CPEB3: variants seen among roughly 807,000 people sequenced by gnomAD.
The protein encoded by CPEB3 is cytoplasmic polyadenylation element binding protein 3.
A neutral mutation model predicts 67.2 loss-of-function variants in CPEB3; 20 were observed. The observed-to-expected ratio is 0.30, with a 90% CI of 0.21 to 0.43. The LOEUF is 0.43. Among genes scored for constraint, CPEB3 ranks in the 20% least tolerant of loss-of-function variants. The pLI is 1.00. For missense variants in CPEB3, 746 were observed against 968.6 expected (o/e 0.77, Z 3.05); for synonymous variants, 376 against 393.1 (o/e 0.96, Z 0.51).
chr10:92,232,585 C>T (rs958031863), intron 2 of CPEB3, among the ~76,000 whole-genome samples: 2 of 151,596 alleles, frequency 1.3e-5, no homozygotes, highest in Middle Eastern at 3.4e-3. Flanking sequence ...AGTGAAACCC[C>T]GTCTCTACCA....
chr10:92,184,586 A>G (rs1159963006), intron 3 of CPEB3, among the ~76,000 whole-genome samples: 2 of 152,176 alleles, frequency 1.3e-5, no homozygotes, highest in East Asian at 3.8e-4. Flanking sequence ...GCCTGGAGAT[A>G]GAGCAAGACT....
At chr10:92,207,685 C>T (rs1849858611) in intron 2 of CPEB3, among the ~76,000 whole-genome samples, 1 of 152,174 alleles carries the variant, frequency 6.6e-6, no homozygotes, top group Non-Finnish European at 1.5e-5. Context: ...CTCTGGCCAA[C>T]ATGGTGAAAC....
At chr10:92,098,775 T>TC (rs947982264) in intron 7 of CPEB3, among the ~76,000 whole-genome samples, 2 of 144,896 alleles carry the variant, frequency 1.4e-5, no homozygotes, top group African/African-American at 5.2e-5. Context: ...TTTTTCTTTT[T>TC]TTTTTTTTTT....
chr10:92,144,385 C>T (rs1590233071), intron 5 of CPEB3, among the ~76,000 whole-genome samples: 1 of 152,206 alleles, frequency 6.6e-6, no homozygotes. Context: ...GATCTCCCAC[C>T]TCAGCCTCCC....
intron 8 of CPEB3, among the ~76,000 whole-genome samples, chr10:92,089,231 A>G (rs934312599): frequency 6.6e-6 from 1 of 152,208 alleles, no homozygotes. Flanking sequence ...AAGAAACCCA[A>G]TCCCTAGGAT....
Position 92,199,740 on chromosome 10 carries a change from T to C in CPEB3, c.1006-7104A>G, listed in dbSNP as rs77045747. ...AAAACTAGCTGCTTCTAAATTTCCA[T>C]CCTACTGCTCTTATTTTCTACTCAG... On this transcript the variant is annotated intron_variant, in intron 2 of 9. Transcript: ENST00000265997. Among the ~76,000 whole-genome samples, 768 of 147,778 alleles carry C rather than the reference T, an allele frequency of 5.2e-3. 4 individuals are homozygous for C. Among genetic ancestry groups the C allele is most frequent in the African/African-American group, 0.018 (728 of 40,618 alleles).
chr10:92,124,768 C>A (rs1241716959), intron 6 of CPEB3, among the ~76,000 whole-genome samples: 3 of 152,198 alleles, frequency 2.0e-5, no homozygotes, highest in Non-Finnish European at 4.4e-5. Flanking sequence ...GACTTATTTC[C>A]ATTCAAGTTA....
chr10:92,186,588 C>T (rs1848703588), intron 3 of CPEB3, among the ~76,000 whole-genome samples: 1 of 152,044 alleles, frequency 6.6e-6, no homozygotes, highest in African/African-American at 2.4e-5. Context: ...GCGCCTGCCA[C>T]CACACCTGGC....
intron 1 of CPEB3, among the ~76,000 whole-genome samples, chr10:92,263,495 T>G (rs902408314): frequency 6.6e-6 from 1 of 152,254 alleles, no homozygotes; most frequent in Non-Finnish European, 1.5e-5. Context: ...AATCTATACT[T>G]AAGTGTAGAT....
chr10:92,251,274 T>C (rs1852291141), intron 1 of CPEB3, among the ~76,000 whole-genome samples: 2 of 152,156 alleles, frequency 1.3e-5, no homozygotes, highest in African/African-American at 4.8e-5. Context: ...AGTATCCCCT[T>C]TGTTGGTAAG....
chr10:92,187,093 G>C (rs1014738673), intron 3 of CPEB3, among the ~76,000 whole-genome samples: 1 of 152,134 alleles, frequency 6.6e-6, no homozygotes, highest in African/African-American at 2.4e-5. Flanking sequence ...TCAAAATTCC[G>C]TAAGAGGGGA....
intron 6 of CPEB3, chr10:92,137,546 T>A (rs1160383786): frequency 3.9e-6 from 3 of 772,526 alleles, no homozygotes; most frequent in Non-Finnish European, 4.6e-6. Context: ...AGGGACCCCA[T>A]TTGGATTCCT....
chr10:92,104,379 CTTTTTTT>C (rs397845791), intron 7 of CPEB3, among the ~76,000 whole-genome samples: 18 of 127,224 alleles, frequency 1.4e-4, no homozygotes, highest in Non-Finnish European at 1.6e-4. Context: ...GGAAATGCAA[CTTTTTTT>C]TTTTTTTTTT....
At chr10:92,163,781 T>C (rs545834518) in intron 4 of CPEB3, among the ~76,000 whole-genome samples, 1 of 152,330 alleles carries the variant, frequency 6.6e-6, no homozygotes, top group South Asian at 2.1e-4. Context: ...CAAGTTATAA[T>C]TGAAAAGATC....
chr10:92,199,665 CAG>C (rs1393099818), intron 2 of CPEB3, among the ~76,000 whole-genome samples: 1 of 105,030 alleles, frequency 9.5e-6, no homozygotes, highest in African/African-American at 4.1e-5. Context: ...GCCTGGGTGA[CAG>C]AGACTCCATC....
chr10:92,286,729 C>A (rs1245843819), intron 1 of CPEB3, among the ~76,000 whole-genome samples: 1 of 152,090 alleles, frequency 6.6e-6, no homozygotes, highest in Non-Finnish European at 1.5e-5. Context: ...CAGTTTATCA[C>A]CAAATTTGGC....
At chr10:92,068,604 A>C (rs1376437670) in intron 9 of CPEB3, among the ~76,000 whole-genome samples, 2 of 152,184 alleles carry the variant, frequency 1.3e-5, no homozygotes, top group Non-Finnish European at 2.9e-5. Flanking sequence ...TTTATCTCAT[A>C]AACAACCTCT....
At chr10:92,129,304 T>C (rs1485327597) in intron 6 of CPEB3, among the ~76,000 whole-genome samples, 1 of 151,744 alleles carries the variant, frequency 6.6e-6, no homozygotes, top group Non-Finnish European at 1.5e-5. Context: ...CATGGACACA[T>C]AGAGGGGAAC....
At chr10:92,129,349 G>A (rs1280751436) in intron 6 of CPEB3, among the ~76,000 whole-genome samples, 2 of 152,124 alleles carry the variant, frequency 1.3e-5, no homozygotes, top group African/African-American at 4.8e-5. Flanking sequence ...CTATCGGAGG[G>A]TGGAGGGTGG....
Sources: allele counts gnomAD v4.1 joint callset (sites outside exome capture counted in the v4.1 genomes callset), GRCh38; gene constraint gnomAD v4.1.1; transcripts MANE v1.5; gene names NCBI Gene and HGNC (gene_info 2026-07-23, HGNC 2026-07-21).